Variants in PARD3B observed in about 807,000 individuals in gnomAD.
PARD3B encodes the protein par-3 family cell polarity regulator beta.
In PARD3B, 103 loss-of-function variants were observed where a neutral mutation model predicts 130.2. The ratio of observed to expected loss-of-function variants is 0.79; its 90% CI spans 0.67 to 0.93. The LOEUF (loss-of-function observed/expected upper bound fraction) is 0.93, where lower values mean the gene tolerates loss of function less well. Among genes scored for constraint, PARD3B ranks in the 40% least tolerant of loss-of-function variants. The pLI is 0.00. For missense variants in PARD3B, 1,609 were observed against 1,499.2 expected, an observed-to-expected ratio of 1.07 and a Z score of -1.21; for synonymous variants, 583 against 553.2, an observed-to-expected ratio of 1.05 and a Z score of -0.76.
At chr2:205,453,736 G>A (rs1217066007) in intron 20 of PARD3B, among the ~76,000 whole-genome samples, 6 of 152,114 alleles carry the variant, frequency 3.9e-5, no homozygotes, top group Non-Finnish European at 1.5e-5. Flanking sequence ...ATGAATATTT[G>A]TTAATAGAAT....
At chr2:204,939,470 G>A (rs1688730102) in intron 2 of PARD3B, among the ~76,000 whole-genome samples, 1 of 152,140 alleles carries the variant, frequency 6.6e-6, no homozygotes, top group African/African-American at 2.4e-5. Context: ...TGTTACAGAA[G>A]GCTTTTTATT....
intron 18 of PARD3B, among the ~76,000 whole-genome samples, chr2:205,396,301 G>A (rs2046026941): frequency 6.6e-6 from 1 of 152,108 alleles, no homozygotes; most frequent in African/African-American, 2.4e-5. Context: ...TGTCTCCTCT[G>A]TTAGAATGTA....
chr2:205,450,164 A>T (rs2048047147), intron 20 of PARD3B, among the ~76,000 whole-genome samples: 1 of 152,218 alleles, frequency 6.6e-6, no homozygotes, highest in African/African-American at 2.4e-5. Flanking sequence ...TAGGAAGATT[A>T]TTGGACTATA....
chr2:204,728,836 C>T (rs890990889), intron 2 of PARD3B, among the ~76,000 whole-genome samples: 1 of 152,052 alleles, frequency 6.6e-6, no homozygotes, highest in Admixed American at 6.6e-5. Flanking sequence ...TATTAGATAA[C>T]AAAAGCAGAA....
chr2:204,763,269 G>A (rs1489604152), intron 2 of PARD3B, among the ~76,000 whole-genome samples: 1 of 152,154 alleles, frequency 6.6e-6, no homozygotes, highest in Non-Finnish European at 1.5e-5. Context: ...CTAAAACAAA[G>A]GCAGTATATC....
chr2:205,307,172 T>C (rs1240370955), intron 18 of PARD3B, among the ~76,000 whole-genome samples: 1 of 152,244 alleles, frequency 6.6e-6, no homozygotes, highest in Non-Finnish European at 1.5e-5. Context: ...AGCTAAGTGT[T>C]TGCACTTTTC....
chr2:205,521,007 TTATC>T (rs375270094), intron 21 of PARD3B, among the ~76,000 whole-genome samples: 104 of 151,354 alleles, frequency 6.9e-4, no homozygotes, highest in African/African-American at 2.4e-3. Flanking sequence ...AAGATACTAA[TTATC>T]TAGTATGAGG....
rs2034713406 is a variant in PARD3B at position 205,164,834 on chromosome 2, C to CACACACACAT, written c.1620+5936_1620+5937insTACACACACA. On this transcript the variant is annotated intron_variant, in intron 11 of 22. Coordinates refer to ENST00000406610, the MANE Select transcript of PARD3B (RefSeq NM_001302769.2). The stretch of plus-strand genomic sequence containing the variant: ...CCATATATATGTATACACACACACA[C>CACACACACAT]ACACACACACACACGTAAGACCAGT... Among the ~76,000 whole-genome samples the CACACACACAT allele has an allele frequency of 2.0e-5, 3 of 151,890 alleles. No individual in the cohort carries two copies. The East Asian group carries it at 5.8e-4, about 29-fold the overall frequency.
intron 2 of PARD3B, among the ~76,000 whole-genome samples, chr2:204,800,291 G>T (rs2125498174): frequency 6.6e-6 from 1 of 152,218 alleles, no homozygotes; most frequent in Non-Finnish European, 1.5e-5. Flanking sequence ...GCAGAAGATA[G>T]AATTAGTAGG....
chr2:205,570,466 G>A (rs2053522523), intron 22 of PARD3B, among the ~76,000 whole-genome samples: 1 of 152,304 alleles, frequency 6.6e-6, no homozygotes, highest in East Asian at 1.9e-4. Context: ...AGTTTATTGT[G>A]TGAAGGGTAT....
chr2:204,582,661 G>C (rs1327485015), intron 1 of PARD3B, among the ~76,000 whole-genome samples: 9 of 152,180 alleles, frequency 5.9e-5, no homozygotes, highest in Non-Finnish European at 1.2e-4. Context: ...CTCCCACTCT[G>C]TCCTTTCAGT....
chr2:204,695,032 G>T (rs1280124000), intron 2 of PARD3B, among the ~76,000 whole-genome samples: 1 of 151,974 alleles, frequency 6.6e-6, no homozygotes, highest in Non-Finnish European at 1.5e-5. Flanking sequence ...TTTTAAGTTT[G>T]GTTGGAGGGA....
At position 204,999,396 on chromosome 2, in the gene PARD3B, A is replaced by G. The variant is rs186793960; in HGVS notation, c.394+34073A>G. On this transcript the variant is annotated intron_variant, in intron 3 of 22. Coordinates refer to ENST00000406610, the MANE Select transcript of PARD3B (RefSeq NM_001302769.2). The stretch of plus-strand genomic sequence containing the variant: ...ATTTACTTAGAATTTCCATGGTTTC[A>G]TACTGTCTGAAATTAATTCATGAAA... Among the ~76,000 whole-genome samples, 1,247 of 152,330 alleles carry G rather than the reference A, an allele frequency of 8.2e-3. 19 individuals carry two copies. Among genetic ancestry groups the G allele is most frequent in the African/African-American group, 0.029 (1,195 of 41,564 alleles).
At chr2:205,235,953 C>A (rs1246055703) in intron 15 of PARD3B, among the ~76,000 whole-genome samples, 12 of 152,056 alleles carry the variant, frequency 7.9e-5, no homozygotes, top group Non-Finnish European at 2.9e-5. Flanking sequence ...AGTCAATAAA[C>A]CATTAACCAG....
At chr2:204,901,034 T>A (rs564975943) in intron 2 of PARD3B, among the ~76,000 whole-genome samples, 151 of 152,196 alleles carry the variant, frequency 9.9e-4, no homozygotes, top group African/African-American at 3.2e-3. Flanking sequence ...CAAGGACCCT[T>A]GTGGCCATCA....
chr2:205,178,617 A>G (rs188814331), intron 13 of PARD3B, among the ~76,000 whole-genome samples: 1 of 152,344 alleles, frequency 6.6e-6, no homozygotes, highest in East Asian at 1.9e-4. Flanking sequence ...GTATTAAAAT[A>G]TCTAGATTTC....
intron 2 of PARD3B, among the ~76,000 whole-genome samples, chr2:204,790,114 C>T (rs1216423410): frequency 6.6e-6 from 1 of 152,166 alleles, no homozygotes; most frequent in Admixed American, 6.5e-5. Flanking sequence ...TCGTGATCCA[C>T]CTGCCTTGGC....
intron 15 of PARD3B, among the ~76,000 whole-genome samples, chr2:205,199,085 G>C (rs1178520877): frequency 2.6e-5 from 4 of 152,120 alleles, no homozygotes; most frequent in Non-Finnish European, 5.9e-5. Context: ...TATACTTTAA[G>C]CTCTAGTAAG....
intron 2 of PARD3B, among the ~76,000 whole-genome samples, chr2:204,807,825 T>C (rs961571301): frequency 2.0e-5 from 3 of 151,904 alleles, no homozygotes; most frequent in Non-Finnish European, 4.4e-5. Context: ...CAATGATGGC[T>C]ACCAGTGGTT....
Sources: allele counts gnomAD v4.1 joint callset (sites outside exome capture counted in the v4.1 genomes callset), GRCh38; gene constraint gnomAD v4.1.1; transcripts MANE v1.5; gene names NCBI Gene and HGNC (gene_info 2026-07-23, HGNC 2026-07-21).